GAREM1: variants seen among roughly 807,000 people sequenced by gnomAD.
GAREM1 encodes the protein GRB2-associated and regulator of MAPK protein 1.
Under a neutral mutation model 71.3 loss-of-function variants are expected in GAREM1, and 26 were observed. The ratio of observed to expected loss-of-function variants is 0.36; its 90% CI spans 0.27 to 0.51. The LOEUF (loss-of-function observed/expected upper bound fraction) is 0.51. GAREM1 is among the 20% of genes least tolerant of loss of function. The pLI is 0.95. For missense variants in GAREM1, 1,026 were observed against 1,103.1 expected, an observed-to-expected ratio of 0.93 and a Z score of 0.99; for synonymous variants, 440 against 433.2, an observed-to-expected ratio of 1.02 and a Z score of -0.20.
At chr18:32,362,163 G>A (rs2047871511) in intron 2 of GAREM1, among the ~76,000 whole-genome samples, 1 of 152,086 alleles carries the variant, frequency 6.6e-6, no homozygotes, top group African/African-American at 2.4e-5. Flanking sequence ...AGATGTTCTA[G>A]CTCCAAGGAT....
At chr18:32,330,055 T>G (rs1016325294) in intron 2 of GAREM1, among the ~76,000 whole-genome samples, 2 of 152,160 alleles carry the variant, frequency 1.3e-5, no homozygotes, top group Non-Finnish European at 2.9e-5. Flanking sequence ...ATGCCTGCAC[T>G]CATATGTTCA....
At chr18:32,276,140 G>A (rs918242088) in intron 4 of GAREM1, among the ~76,000 whole-genome samples, 1 of 152,214 alleles carries the variant, frequency 6.6e-6, no homozygotes, top group Non-Finnish European at 1.5e-5. Context: ...GGTGAGTTCT[G>A]TTCTTTCTCG....
At position 32,296,788 on chromosome 18, in the gene GAREM1, G is replaced by A. The variant is rs1423103412; in HGVS notation, c.394-8585C>T. ...ACTCCTAGGCTCAAGTGATCCTCCT[G>A]TCTCAGCCTCCCAAGTGGCTGGGAC... On this transcript the variant is annotated intron_variant, in intron 3 of 5. Coordinates refer to ENST00000269209, the MANE Select transcript of GAREM1 (RefSeq NM_001242409.2). 4.7e-5 allele frequency among the ~76,000 whole-genome samples: 7 copies of A among 149,324 alleles called. No homozygotes were observed. The East Asian group carries it at 1.4e-3, about 29-fold the overall frequency.
At chr18:32,439,479 T>A (rs2048713187) in intron 1 of GAREM1, among the ~76,000 whole-genome samples, 2 of 152,254 alleles carry the variant, frequency 1.3e-5, no homozygotes, top group East Asian at 3.9e-4. Flanking sequence ...GATAAGGTGA[T>A]GCTCCAGGGG....
intron 2 of GAREM1, among the ~76,000 whole-genome samples, chr18:32,344,273 ATC>A (rs1166380462): frequency 4.6e-5 from 7 of 152,146 alleles, no homozygotes; most frequent in Non-Finnish European, 8.8e-5. Context: ...TCCTGTTGAA[ATC>A]TGGTCCTGAA....
At position 32,287,452 on chromosome 18, in the gene GAREM1, G is replaced by T. The variant is rs1441347176; in HGVS notation, c.1145C>A (p.Ser382Tyr). 6.2e-7 allele frequency: 1 copy of T among 1,614,156 alleles called. No homozygotes were observed. Among genetic ancestry groups the T allele is most frequent in the Admixed American group, 1.7e-5 (1 of 60,010 alleles). ...LSYARDELTQ[S>Y]FHRLSVCVYG... ...CACACAGACCGAGAGTCGGTGGAAGGACTGGGTGAGCTCATCGCGGGCGTA... is the reference window on the plus strand; with the variant it reads ...CACACAGACCGAGAGTCGGTGGAAGTACTGGGTGAGCTCATCGCGGGCGTA... The change falls in exon 4 of 6, where the codon TCC becomes TAC. Residue 382 changes from serine to tyrosine, a missense_variant. By Grantham distance (144) the Ser-to-Tyr change is moderately radical. Around this residue, in one of 3 missense-constraint regions of GAREM1, gnomAD observed 636 missense variants for 631.2 expected, o/e 1.01. Transcript: ENST00000269209. This position sits in a 1 kb window ranked among gnomAD's most constrained non-coding sequence, Gnocchi z 5.9.
intron 2 of GAREM1, among the ~76,000 whole-genome samples, chr18:32,317,747 G>A (rs1257742278): frequency 7.0e-6 from 1 of 142,020 alleles, no homozygotes; most frequent in Non-Finnish European, 1.5e-5. Context: ...CCAACGTTAA[G>A]TACTCTGGGA....
At chr18:32,398,941 A>G (rs2048284611) in intron 1 of GAREM1, among the ~76,000 whole-genome samples, 1 of 152,250 alleles carries the variant, frequency 6.6e-6, no homozygotes, top group South Asian at 2.1e-4. Flanking sequence ...AACTGAATCC[A>G]GCAGCACATC....
intron 1 of GAREM1, among the ~76,000 whole-genome samples, chr18:32,420,736 C>A (rs569479736): frequency 1.2e-4 from 18 of 150,006 alleles, no homozygotes; most frequent in Non-Finnish European, 2.4e-4. Flanking sequence ...CACAGTGAGA[C>A]CCCCTTCTCT....
rs1220043088 is a variant in GAREM1 at position 32,263,599 on chromosome 18, T to C, written c.*4272A>G. Reference sequence around the variant, plus strand: ...GACAAGGAAATTTTTAGACATAACATACTGTGTTTATCTTGAGGTACACAT... The same window carrying C: ...GACAAGGAAATTTTTAGACATAACACACTGTGTTTATCTTGAGGTACACAT... On this transcript the variant is annotated 3_prime_UTR_variant, in exon 6 of 6. Coordinates refer to ENST00000269209, the MANE Select transcript of GAREM1 (RefSeq NM_001242409.2). 6.6e-6 allele frequency: 1 copy of C among 152,160 alleles called. No homozygotes were observed. Among genetic ancestry groups the C allele is most frequent in the Non-Finnish European group, 1.5e-5 (1 of 68,020 alleles). 9.4% of individuals were successfully genotyped at this position (152,160 alleles called of 1,614,324 possible).
At chr18:32,400,143 T>C (rs1186405120) in intron 1 of GAREM1, among the ~76,000 whole-genome samples, 4 of 152,186 alleles carry the variant, frequency 2.6e-5, no homozygotes, top group Middle Eastern at 3.4e-3. Context: ...AAACTGGATC[T>C]CTTCCTTACA....
chr18:32,280,730 T>C (rs559140645), intron 4 of GAREM1, among the ~76,000 whole-genome samples: 12 of 152,334 alleles, frequency 7.9e-5, no homozygotes, highest in Middle Eastern at 3.4e-3. Flanking sequence ...TTTGCTATTT[T>C]TAAAACCAAC....
chr18:32,276,833 T>C (rs2041549300), intron 4 of GAREM1, among the ~76,000 whole-genome samples: 1 of 152,064 alleles, frequency 6.6e-6, no homozygotes. Context: ...ATGGCGGCAC[T>C]GAGATCCCAG....
chr18:32,281,767 G>A (rs926164498), intron 4 of GAREM1, among the ~76,000 whole-genome samples: 8 of 152,204 alleles, frequency 5.3e-5, no homozygotes, highest in African/African-American at 1.9e-4. Flanking sequence ...GAGGTCAGGA[G>A]ATCAAGACTG....
chr18:32,265,474 C>G lies in GAREM1; in HGVS notation c.*2397G>C, dbSNP rs1381787630. 3 of 152,178 alleles carry G rather than the reference C, an allele frequency of 2.0e-5. No individual in the cohort carries two copies. The highest frequency in any genetic ancestry group is 4.4e-5 in the Non-Finnish European group (3 of 68,052). The allele number at this position is 152,178 out of a possible 1,614,324, so 9.4% of individuals were successfully genotyped here. ...CTTACTCACACATACATACTCTTAG[C>G]AACTGAGATTTCAAATATAAACAAT... On this transcript the variant is annotated 3_prime_UTR_variant, in exon 6 of 6. Coordinates refer to ENST00000269209, the MANE Select transcript of GAREM1 (RefSeq NM_001242409.2).
chr18:32,337,133 A>G (rs1335500754), intron 2 of GAREM1, among the ~76,000 whole-genome samples: 3 of 152,220 alleles, frequency 2.0e-5, no homozygotes, highest in Non-Finnish European at 4.4e-5. Flanking sequence ...AGAATTAGAC[A>G]TGGGCACCTG....
intron 1 of GAREM1, among the ~76,000 whole-genome samples, chr18:32,422,914 C>T (rs998729684): frequency 2.0e-5 from 3 of 152,188 alleles, no homozygotes; most frequent in Admixed American, 2.0e-4. Context: ...CCTGATCAGT[C>T]AGTGGCGACA....
intron 3 of GAREM1, among the ~76,000 whole-genome samples, chr18:32,297,898 T>A (rs1053401246): frequency 6.6e-6 from 1 of 152,190 alleles, no homozygotes; most frequent in African/African-American, 2.4e-5. Flanking sequence ...TCCCTTTAAA[T>A]CAATATTTAC....
At chr18:32,376,699 G>A (rs1023493309) in intron 2 of GAREM1, among the ~76,000 whole-genome samples, 3 of 152,112 alleles carry the variant, frequency 2.0e-5, no homozygotes, top group African/African-American at 4.8e-5. Flanking sequence ...TTAGCCAGGC[G>A]TGGTGGCACA....
Sources: allele counts gnomAD v4.1 joint callset (sites outside exome capture counted in the v4.1 genomes callset), GRCh38; gene constraint gnomAD v4.1.1; regional missense constraint gnomAD v4.1.1; non-coding constraint Gnocchi (gnomAD v3.1); transcripts MANE v1.5; gene names NCBI Gene and HGNC (gene_info 2026-07-23, HGNC 2026-07-21).